The following PCDH9 variants were observed in gnomAD, a reference collection of about 807,000 sequenced individuals.
PCDH9 encodes the protein protocadherin 9.
A neutral mutation model predicts 70.6 loss-of-function variants in PCDH9; 24 were observed. The observed-to-expected ratio is 0.34, with a 90% CI of 0.25 to 0.48. The LOEUF (loss-of-function observed/expected upper bound fraction) is 0.48. Ranked by LOEUF, PCDH9 falls within the 20% of genes least tolerant of loss-of-function variation. The probability of loss-of-function intolerance (pLI) is 0.99; values close to 1 mark genes in which losing one functional copy is unlikely to be tolerated. For synonymous variants in PCDH9, 562 were observed against 558.5 expected, an observed-to-expected ratio of 1.01 and a Z score of -0.09; for missense variants, 1,281 against 1,503.6, an observed-to-expected ratio of 0.85 and a Z score of 2.45.
chr13:66,803,193 T>A (rs1164751461), intron 3 of PCDH9, among the ~76,000 whole-genome samples: 1 of 152,172 alleles, frequency 6.6e-6, no homozygotes, highest in Non-Finnish European at 1.5e-5. Context: ...GTGTGCTGTT[T>A]GCAGCCCTAG....
At chr13:66,644,899 G>C (rs1454552408) in intron 3 of PCDH9, among the ~76,000 whole-genome samples, 1 of 152,068 alleles carries the variant, frequency 6.6e-6, no homozygotes, top group Non-Finnish European at 1.5e-5. Context: ...AAGATGAAAT[G>C]AAATGCTCCT....
intron 2 of PCDH9, among the ~76,000 whole-genome samples, chr13:66,964,626 AT>A (rs2083402426): frequency 6.6e-6 from 1 of 152,000 alleles, no homozygotes; most frequent in South Asian, 2.1e-4. Context: ...AAAAAAAAAA[AT>A]ATTCTTCAGG....
intron 3 of PCDH9, among the ~76,000 whole-genome samples, chr13:66,725,322 C>T (rs1367966233): frequency 6.6e-6 from 1 of 152,182 alleles, no homozygotes; most frequent in Non-Finnish European, 1.5e-5. Context: ...GTGTAATAGC[C>T]TTTTAATTGA....
chr13:66,617,860 G>C (rs371853763), intron 4 of PCDH9, among the ~76,000 whole-genome samples: 1 of 151,798 alleles, frequency 6.6e-6, no homozygotes, highest in East Asian at 1.9e-4. Flanking sequence ...TCAGACTGCC[G>C]TTTCCACAAA....
chr13:66,667,996 A>G (rs1186266379), intron 3 of PCDH9, among the ~76,000 whole-genome samples: 1 of 152,200 alleles, frequency 6.6e-6, no homozygotes, highest in Non-Finnish European at 1.5e-5. Context: ...TTCTTTGCAC[A>G]TCTAATTTTA....
intron 2 of PCDH9, among the ~76,000 whole-genome samples, chr13:67,182,756 G>GA (rs2088651315): frequency 2.0e-5 from 3 of 151,986 alleles, no homozygotes; most frequent in African/African-American, 7.2e-5. Context: ...ATTCTTCCTG[G>GA]AAAAATTAGG....
At chr13:66,557,195 T>C (rs1961775362) in intron 4 of PCDH9, among the ~76,000 whole-genome samples, 1 of 152,204 alleles carries the variant, frequency 6.6e-6, no homozygotes, top group Admixed American at 6.5e-5. Flanking sequence ...GGCAAATGAA[T>C]GTATTTTTTG....
chr13:66,453,737 C>A (rs1773747549), intron 4 of PCDH9, among the ~76,000 whole-genome samples: 1 of 152,066 alleles, frequency 6.6e-6, no homozygotes, highest in South Asian at 2.1e-4. Context: ...CTTCTAGGAT[C>A]TGAAATGAGG....
chr13:66,859,765 G>A (rs2081451466), intron 3 of PCDH9, among the ~76,000 whole-genome samples: 1 of 152,094 alleles, frequency 6.6e-6, no homozygotes, highest in Admixed American at 6.6e-5. Flanking sequence ...AATCCATGAA[G>A]AAGGTACATG....
chr13:66,324,114 G>A (rs1955800690), intron 4 of PCDH9, among the ~76,000 whole-genome samples: 1 of 151,974 alleles, frequency 6.6e-6, no homozygotes, highest in Non-Finnish European at 1.5e-5. Flanking sequence ...AAGACTATTA[G>A]AGAGGAAGAC....
At chr13:67,119,442 G>A (rs2086837469) in intron 2 of PCDH9, among the ~76,000 whole-genome samples, 1 of 151,852 alleles carries the variant, frequency 6.6e-6, no homozygotes, top group South Asian at 2.1e-4. Context: ...ATTAAATATA[G>A]CTATTAAAAA....
At chr13:66,882,651 G>A (rs1004176592) in intron 3 of PCDH9, among the ~76,000 whole-genome samples, 1 of 151,992 alleles carries the variant, frequency 6.6e-6, no homozygotes, top group African/African-American at 2.4e-5. Flanking sequence ...AATTTTGTAT[G>A]CCATCAAAAC....
At chr13:66,409,853 A>G (rs1163131465) in intron 4 of PCDH9, among the ~76,000 whole-genome samples, 2 of 152,184 alleles carry the variant, frequency 1.3e-5, no homozygotes, top group Admixed American at 6.5e-5. Flanking sequence ...GTCTAAGTAC[A>G]ACCTTCCCTG....
intron 3 of PCDH9, among the ~76,000 whole-genome samples, chr13:66,873,541 C>T (rs1213413555): frequency 6.6e-6 from 1 of 152,090 alleles, no homozygotes; most frequent in Non-Finnish European, 1.5e-5. Flanking sequence ...ATTTGTCTTT[C>T]AATACGTCAG....
chr13:66,740,105 G>A (rs975358439), intron 3 of PCDH9, among the ~76,000 whole-genome samples: 57 of 147,850 alleles, frequency 3.9e-4, no homozygotes, highest in Admixed American at 1.2e-3. Flanking sequence ...GCTCTCCTCA[G>A]CAAATGTAAA....
intron 4 of PCDH9, among the ~76,000 whole-genome samples, chr13:66,508,851 G>T (rs1251707279): frequency 6.6e-6 from 1 of 152,122 alleles, no homozygotes; most frequent in Non-Finnish European, 1.5e-5. Context: ...GAAAATTCTT[G>T]GGGAGGTAGT....
At chr13:66,522,862 T>C (rs1341689174) in intron 4 of PCDH9, among the ~76,000 whole-genome samples, 3 of 152,024 alleles carry the variant, frequency 2.0e-5, no homozygotes, top group Non-Finnish European at 2.9e-5. Context: ...ATGCTTTTTG[T>C]TATTGTTGTT....
intron 3 of PCDH9, among the ~76,000 whole-genome samples, chr13:66,896,659 C>A (rs1339281289): frequency 2.6e-5 from 4 of 152,084 alleles, no homozygotes; most frequent in African/African-American, 9.7e-5. Context: ...GTCCGTTGAA[C>A]ACAAATTGAA....
chr13:66,329,679 C>T (rs1014870287), intron 4 of PCDH9, among the ~76,000 whole-genome samples: 9 of 152,164 alleles, frequency 5.9e-5, no homozygotes, highest in African/African-American at 2.2e-4. Flanking sequence ...CAACCAAAGA[C>T]AGCCTTACTG....
Sources: gnomAD v4.1 joint callset for allele counts (sites outside exome capture counted in the v4.1 genomes callset) on GRCh38, gnomAD v4.1.1 for gene constraint, MANE v1.5 for transcripts, NCBI Gene and HGNC (gene_info 2026-07-23, HGNC 2026-07-21) for gene names.